Variants in ABTB3 observed in about 807,000 individuals in gnomAD.
ABTB3 encodes ankyrin repeat- and BTB/POZ domain-containing protein 3.
At chr12:107,433,996 A>G in the ABTB3 span, among the ~76,000 whole-genome samples, 1 of 152,076 alleles carries the variant, frequency 6.6e-6, no homozygotes, top group African/African-American at 2.4e-5. Flanking sequence ...CACTCATCTC[A>G]TTCATGAGGG....
At chr12:107,640,301 C>T in the ABTB3 span, 12 of 1,486,902 alleles carry the variant, frequency 8.1e-6, no homozygotes, top group Admixed American at 7.5e-5. Context: ...TTTTCCCTTT[C>T]CTATTCCAGA....
the ABTB3 span, among the ~76,000 whole-genome samples, chr12:107,587,383 G>A: frequency 6.6e-6 from 1 of 152,196 alleles, no homozygotes; most frequent in Non-Finnish European, 1.5e-5. Flanking sequence ...GCTGGAGGAA[G>A]GCAGGAGCAG....
the ABTB3 span, among the ~76,000 whole-genome samples, chr12:107,382,799 T>C: frequency 6.6e-6 from 1 of 152,040 alleles, no homozygotes; most frequent in African/African-American, 2.4e-5. Flanking sequence ...TTAGGAGAAA[T>C]ACCTAATGTA....
At chr12:107,360,075 A>G in the ABTB3 span, among the ~76,000 whole-genome samples, 1 of 152,246 alleles carries the variant, frequency 6.6e-6, no homozygotes, top group Non-Finnish European at 1.5e-5. Context: ...GATAAGAGAT[A>G]GTTCCTGCTC....
chr12:107,545,919 C>T, the ABTB3 span, among the ~76,000 whole-genome samples: 28 of 152,326 alleles, frequency 1.8e-4, no homozygotes, highest in African/African-American at 6.5e-4. Flanking sequence ...CTGCTCCCAC[C>T]TCCATGCAGA....
At chr12:107,319,038 A>T in the ABTB3 span, 1 of 1,613,730 alleles carries the variant, frequency 6.2e-7, no homozygotes, top group Non-Finnish European at 8.5e-7. Context: ...CGCTCCTCCA[A>T]CTTGTCTTTG....
the ABTB3 span, chr12:107,617,428 C>T: frequency 4.3e-6 from 7 of 1,613,944 alleles, no homozygotes; most frequent in East Asian, 4.5e-5. Flanking sequence ...CTGCAGCCCA[C>T]GGACACAGGT....
the ABTB3 span, among the ~76,000 whole-genome samples, chr12:107,528,664 C>G: frequency 6.6e-6 from 1 of 152,204 alleles, no homozygotes; most frequent in Non-Finnish European, 1.5e-5. Flanking sequence ...CTAGTAACTT[C>G]AGGGATCCCT....
the ABTB3 span, among the ~76,000 whole-genome samples, chr12:107,540,155 G>C: frequency 6.6e-6 from 1 of 152,170 alleles, no homozygotes; most frequent in Admixed American, 6.5e-5. Context: ...TTTTCTTATA[G>C]TTCTGGAGGC....
chr12:107,421,010 A>G, the ABTB3 span, among the ~76,000 whole-genome samples: 7 of 152,150 alleles, frequency 4.6e-5, no homozygotes, highest in East Asian at 1.2e-3. Flanking sequence ...CTAAGCTGTT[A>G]TAAAAGAGTA....
chr12:107,436,380 G>A, the ABTB3 span, among the ~76,000 whole-genome samples: 1 of 152,238 alleles, frequency 6.6e-6, no homozygotes, highest in Admixed American at 6.5e-5. Context: ...GGAGTGACAA[G>A]CTGGGCTTGG....
At chr12:107,564,490 C>A in the ABTB3 span, among the ~76,000 whole-genome samples, 1 of 152,210 alleles carries the variant, frequency 6.6e-6, no homozygotes, top group Non-Finnish European at 1.5e-5. Context: ...GGGCACGTAT[C>A]ACCCCATTTC....
the ABTB3 span, among the ~76,000 whole-genome samples, chr12:107,600,144 C>T: frequency 6.6e-6 from 1 of 152,098 alleles, no homozygotes; most frequent in African/African-American, 2.4e-5. Flanking sequence ...TGAAAGCTTA[C>T]CTTTTGGGGT....
At chr12:107,595,593 G>A in the ABTB3 span, among the ~76,000 whole-genome samples, 18 of 152,322 alleles carry the variant, frequency 1.2e-4, no homozygotes, top group African/African-American at 4.3e-4. Flanking sequence ...AGCAGCATTG[G>A]AAGAGAATCT....
chr12:107,655,976 A>G, the ABTB3 span, among the ~76,000 whole-genome samples: 2 of 152,276 alleles, frequency 1.3e-5, no homozygotes, highest in South Asian at 2.1e-4. Flanking sequence ...TAGGAGCTGT[A>G]TTCATCAGAA....
chr12:107,339,683 G>A, the ABTB3 span, among the ~76,000 whole-genome samples: 196 of 52,864 alleles, frequency 3.7e-3, 1 homozygote, highest in African/African-American at 0.068. Flanking sequence ...GCATGCACGT[G>A]TGTGTGTGTG....
the ABTB3 span, among the ~76,000 whole-genome samples, chr12:107,477,197 G>A: frequency 6.6e-6 from 1 of 152,176 alleles, no homozygotes; most frequent in Non-Finnish European, 1.5e-5. Flanking sequence ...CTGACCCTGT[G>A]ACGGAAGTAA....
the ABTB3 span, among the ~76,000 whole-genome samples, chr12:107,415,221 C>T: frequency 6.6e-6 from 1 of 152,108 alleles, no homozygotes; most frequent in East Asian, 1.9e-4. Context: ...CATGGCCACT[C>T]CACATAAAAC....
chr12:107,469,853 C>T, the ABTB3 span, among the ~76,000 whole-genome samples: 4 of 132,564 alleles, frequency 3.0e-5, no homozygotes, highest in African/African-American at 1.2e-4. Flanking sequence ...CTCTCTTTCT[C>T]TTTCTTTCTT....
Sources: gnomAD v4.1 joint callset for allele counts (sites outside exome capture counted in the v4.1 genomes callset) on GRCh38, gnomAD v4.1.1 for gene constraint, MANE v1.5 for transcripts, NCBI Gene and HGNC (gene_info 2026-07-23, HGNC 2026-07-21) for gene names.